The following NR6A1 variants were observed in gnomAD, a reference collection of about 807,000 sequenced individuals.
The protein encoded by NR6A1 is nuclear receptor subfamily 6 group A member 1, also known as retinoic acid receptor-related testis-associated receptor.
Under a neutral mutation model 59.1 loss-of-function variants are expected in NR6A1, and 7 were observed. The observed-to-expected ratio is 0.12, with a 90% CI of 0.07 to 0.22. The LOEUF is 0.22. NR6A1 is among the 10% of genes least tolerant of loss of function. The probability of loss-of-function intolerance (pLI) is 1.00; values close to 1 mark genes in which losing one functional copy is unlikely to be tolerated. For synonymous variants in NR6A1, 243 were observed against 236.1 expected (o/e 1.03, Z -0.27); for missense variants, 468 against 611.6 (o/e 0.77, Z 2.48).
At chr9:124,613,652 ACT>A (rs1330219233) in intron 2 of NR6A1, among the ~76,000 whole-genome samples, 1 of 152,144 alleles carries the variant, frequency 6.6e-6, no homozygotes, top group African/African-American at 2.4e-5. Context: ...ACAGGGCAAG[ACT>A]CTATCTCAAA....
chr9:124,537,428 T>G (rs944191446), intron 6 of NR6A1, among the ~76,000 whole-genome samples: 2 of 152,188 alleles, frequency 1.3e-5, no homozygotes, highest in Non-Finnish European at 1.5e-5. Context: ...GACCTCCTTG[T>G]GGGTAGATAT....
intron 2 of NR6A1, among the ~76,000 whole-genome samples, chr9:124,729,846 CTT>C (rs1279071552): frequency 1.4e-5 from 2 of 147,530 alleles, no homozygotes; most frequent in South Asian, 2.1e-4. Flanking sequence ...GAGTCTCGCT[CTT>C]GTTGCCCAGG....
intron 2 of NR6A1, among the ~76,000 whole-genome samples, chr9:124,673,636 A>G (rs919494890): frequency 6.6e-6 from 1 of 152,180 alleles, no homozygotes; most frequent in Non-Finnish European, 1.5e-5. Flanking sequence ...AAATCTATAG[A>G]GTAATGAATC....
intron 2 of NR6A1, among the ~76,000 whole-genome samples, chr9:124,576,114 C>T (rs1250966294): frequency 6.6e-6 from 1 of 152,174 alleles, no homozygotes; most frequent in Non-Finnish European, 1.5e-5. Context: ...CCTCAGTAGC[C>T]TCACTGCTCC....
chr9:124,679,415 A>G (rs1838056915), intron 2 of NR6A1, among the ~76,000 whole-genome samples: 1 of 152,162 alleles, frequency 6.6e-6, no homozygotes, highest in East Asian at 1.9e-4. Flanking sequence ...ATCTGCCTTA[A>G]TCTAAAAACT....
At chr9:124,595,411 G>T (rs1835242969) in intron 2 of NR6A1, among the ~76,000 whole-genome samples, 1 of 152,114 alleles carries the variant, frequency 6.6e-6, no homozygotes, top group Admixed American at 6.5e-5. Flanking sequence ...AACAACATCT[G>T]TCAAGAAATA....
At chr9:124,606,941 A>C (rs1215650623) in intron 2 of NR6A1, among the ~76,000 whole-genome samples, 2 of 152,164 alleles carry the variant, frequency 1.3e-5, no homozygotes, top group African/African-American at 4.8e-5. Flanking sequence ...GAATCCTGAA[A>C]TATTATTCAA....
chr9:124,572,668 T>C (rs906804300), intron 2 of NR6A1, among the ~76,000 whole-genome samples: 1 of 152,128 alleles, frequency 6.6e-6, no homozygotes, highest in African/African-American at 2.4e-5. Context: ...AGCAAATTAA[T>C]TGGGTGTCAG....
At chr9:124,737,653 G>A (rs563298245) in intron 1 of NR6A1, among the ~76,000 whole-genome samples, 2 of 152,304 alleles carry the variant, frequency 1.3e-5, no homozygotes, top group East Asian at 3.9e-4. Context: ...ATCACTTGAG[G>A]TCAGGAGTTC....
chr9:124,659,564 C>T (rs918438418), intron 2 of NR6A1, among the ~76,000 whole-genome samples: 3 of 152,074 alleles, frequency 2.0e-5, no homozygotes, highest in African/African-American at 4.8e-5. Context: ...ACAGGAAGTG[C>T]CCCAAGCTTC....
At chr9:124,544,344 T>C (rs567795862) in intron 3 of NR6A1, among the ~76,000 whole-genome samples, 4 of 152,376 alleles carry the variant, frequency 2.6e-5, no homozygotes, top group East Asian at 1.9e-4. Flanking sequence ...AGGCAGTCAG[T>C]AGAGCACCTG....
intron 2 of NR6A1, among the ~76,000 whole-genome samples, chr9:124,695,763 A>C (rs1838735347): frequency 6.6e-6 from 1 of 152,192 alleles, no homozygotes; most frequent in Non-Finnish European, 1.5e-5. Context: ...TGTGCATTCT[A>C]GGCATTTATT....
intron 1 of NR6A1, among the ~76,000 whole-genome samples, chr9:124,770,485 T>G: frequency 6.8e-6 from 1 of 146,324 alleles, no homozygotes; most frequent in Non-Finnish European, 1.5e-5. Flanking sequence ...TGCTGTGGAG[T>G]CGGGTCAACA....
chr9:124,695,482 C>T (rs1213299742), intron 2 of NR6A1, among the ~76,000 whole-genome samples: 1 of 152,102 alleles, frequency 6.6e-6, no homozygotes, highest in Non-Finnish European at 1.5e-5. Context: ...TCAAGTGATT[C>T]TCGTGCCTCA....
rs548271874 is a variant in NR6A1, at chr9:124,733,985, A to T, written c.101-636T>A. On this transcript the variant is annotated intron_variant, in intron 1 of 9. Transcript: ENST00000487099. Reference sequence around the variant, plus strand: ...TATTTGTCTGGCTGGTATATAACTAACACACTGGAGAGATAAATCAAGCAC... The same window carrying T: ...TATTTGTCTGGCTGGTATATAACTATCACACTGGAGAGATAAATCAAGCAC... 5.9e-4 allele frequency among the ~76,000 whole-genome samples: 90 copies of T among 152,312 alleles called. 1 individual carries two copies. In the South Asian group the frequency reaches 0.018, roughly 31 times the overall value.
intron 6 of NR6A1, among the ~76,000 whole-genome samples, chr9:124,536,879 T>A (rs2131347176): frequency 6.6e-6 from 1 of 152,222 alleles, no homozygotes; most frequent in South Asian, 2.1e-4. Context: ...GAGAACAAGT[T>A]CAGAAGATTT....
chr9:124,735,495 A>G (rs1236076996), intron 1 of NR6A1, among the ~76,000 whole-genome samples: 3 of 152,204 alleles, frequency 2.0e-5, no homozygotes, highest in Non-Finnish European at 4.4e-5. Flanking sequence ...CAGAACACAC[A>G]ACCCTGCCTC....
chr9:124,723,023 TATAA>T (rs1261602422), intron 2 of NR6A1, among the ~76,000 whole-genome samples: 6 of 152,130 alleles, frequency 3.9e-5, no homozygotes, highest in African/African-American at 1.2e-4. Flanking sequence ...AAAATACTCA[TATAA>T]ATATATATAC....
At chr9:124,750,524 G>A (rs554611565) in intron 1 of NR6A1, among the ~76,000 whole-genome samples, 1 of 152,268 alleles carries the variant, frequency 6.6e-6, no homozygotes, top group African/African-American at 2.4e-5. Flanking sequence ...CCTTTGGGAG[G>A]CCGAGGCAGG....
Sources: gnomAD v4.1 joint callset for allele counts (sites outside exome capture counted in the v4.1 genomes callset) on GRCh38, gnomAD v4.1.1 for gene constraint, MANE v1.5 for transcripts, NCBI Gene and HGNC (gene_info 2026-07-23, HGNC 2026-07-21) for gene names.